TACC1: variants seen among roughly 807,000 people sequenced by gnomAD.
The protein encoded by TACC1 is transforming acidic coiled-coil-containing protein 1.
TACC1 carries 48 observed loss-of-function variants against 84.4 expected under a neutral mutation model. That is an observed-to-expected ratio of 0.57 (90% CI 0.45 to 0.72). The LOEUF is 0.72. TACC1 is among the 30% of genes least tolerant of loss of function. The pLI is 0.00. For synonymous variants in TACC1, 372 were observed against 376.3 expected (o/e 0.99, Z 0.13); for missense variants, 920 against 973.0 (o/e 0.95, Z 0.72).
Position 38,848,009 on chromosome 8 carries a change from G to A in TACC1, c.2404G>A (p.Gly802Arg). The change falls in exon 13 of 13, where the codon GGA (glycine) becomes AGA (arginine). Residue 802 changes from glycine (G) to arginine (R), a missense_variant. Coordinates refer to ENST00000317827, the MANE Select transcript of TACC1 (RefSeq NM_006283.3). The stretch of plus-strand genomic sequence containing the variant: ...CTGTGATGAGCTGATTGCAAAGCTG[G>A]GAAAGACTGACTGAGACACTCCCCC... ...KICDELIAKL[G>R]KTD 6.2e-7 allele frequency: 1 copy of A among 1,613,758 alleles called. No homozygotes were observed. Among genetic ancestry groups the A allele is most frequent in the East Asian group, 2.2e-5 (1 of 44,868 alleles).
chr8:38,830,469 C>T (rs962155547), intron 5 of TACC1, among the ~76,000 whole-genome samples: 1 of 152,094 alleles, frequency 6.6e-6, no homozygotes, highest in Non-Finnish European at 1.5e-5. Context: ...GATGAGGCTT[C>T]GCCATGTTGG....
intron 2 of TACC1, among the ~76,000 whole-genome samples, chr8:38,805,235 C>T (rs899318518): frequency 2.0e-5 from 3 of 152,192 alleles, no homozygotes; most frequent in African/African-American, 7.2e-5. Flanking sequence ...TCTGCATTCC[C>T]ACCTCTTCCC....
chr8:38,774,692 G>C (rs1167891533), intron 3 of TACC1, among the ~76,000 whole-genome samples: 1 of 151,978 alleles, frequency 6.6e-6, no homozygotes, highest in African/African-American at 2.4e-5. Context: ...AAGGGATGGG[G>C]TCTCACTATG....
intron 2 of TACC1, among the ~76,000 whole-genome samples, chr8:38,792,261 A>G (rs1248211832): frequency 3.3e-5 from 5 of 152,174 alleles, no homozygotes; most frequent in Non-Finnish European, 7.4e-5. Context: ...AACATCCTCT[A>G]GGAATGGACT....
chr8:38,768,517 G>T (rs1812722747), intron 3 of TACC1, among the ~76,000 whole-genome samples: 1 of 152,198 alleles, frequency 6.6e-6, no homozygotes, highest in Non-Finnish European at 1.5e-5. Context: ...CTGCACAGCA[G>T]AAGGAACGGG....
At chr8:38,801,908 G>A (rs541329643) in intron 2 of TACC1, among the ~76,000 whole-genome samples, 2 of 152,080 alleles carry the variant, frequency 1.3e-5, no homozygotes, top group South Asian at 4.2e-4. Context: ...AATGTTTTTT[G>A]TTGTTGTTGT....
chr8:38,799,435 C>T (rs1332762417), intron 2 of TACC1, among the ~76,000 whole-genome samples: 1 of 152,214 alleles, frequency 6.6e-6, no homozygotes, highest in African/African-American at 2.4e-5. Context: ...CTGTGGGGCT[C>T]CGAGTCTGGA....
rs924505764 is a variant in TACC1 at position 38,831,019 on chromosome 8, T to C, written c.1661-106T>C. The C allele has an allele frequency of 4.5e-5, 41 of 901,184 alleles. No homozygotes were observed. The African/African-American group carries it at 5.9e-4, about 13-fold the overall frequency. The allele number at this position is 901,184 out of a possible 1,614,324, so 55.8% of individuals were successfully genotyped here. On this transcript the variant is annotated intron_variant, in intron 5 of 12. Transcript: ENST00000317827. ...ATAAAATCTTAAAATGCTTTTCATG[T>C]GTTCATAAGTCATTCTCGCCTGCAC...
At chr8:38,844,060 A>G (rs1588155109) in intron 11 of TACC1, among the ~76,000 whole-genome samples, 1 of 152,354 alleles carries the variant, frequency 6.6e-6, no homozygotes, top group East Asian at 1.9e-4. Context: ...TTTTTCTACA[A>G]CTGTGCCAAT....
chr8:38,738,607 T>C (rs913702275), intron 1 of TACC1, among the ~76,000 whole-genome samples: 4 of 152,202 alleles, frequency 2.6e-5, no homozygotes, highest in South Asian at 4.2e-4. Context: ...TTGGCTTCTG[T>C]GTCCCTTTGC....
In TACC1 at chr8:38,804,393, G is replaced by A. The variant is rs556261635; in HGVS notation, c.278-15129G>A. Among the ~76,000 whole-genome samples, 31 of 152,082 alleles carry A rather than the reference G, an allele frequency of 2.0e-4. No homozygotes were observed. The South Asian group carries it at 3.5e-3, about 17-fold the overall frequency. On this transcript the variant is annotated intron_variant, in intron 2 of 12. Coordinates refer to ENST00000317827, the MANE Select transcript of TACC1 (RefSeq NM_006283.3). ...GGCTCACTGCAACCCTCCGCCTCCC[G>A]GGTTCAAGCAATTATCCTGCCTCAG...
At chr8:38,754,241 C>T (rs777700315) in intron 3 of TACC1, among the ~76,000 whole-genome samples, 5 of 152,166 alleles carry the variant, frequency 3.3e-5, no homozygotes, top group Non-Finnish European at 5.9e-5. Flanking sequence ...TGTGAGCCAC[C>T]GCGCCCGGCC....
At chr8:38,776,102 A>G (rs1486740938) in intron 3 of TACC1, among the ~76,000 whole-genome samples, 5 of 152,216 alleles carry the variant, frequency 3.3e-5, no homozygotes, top group Non-Finnish European at 7.3e-5. Flanking sequence ...TTGGAGTTAT[A>G]CAATCATATT....
chr8:38,791,178 C>T (rs934010788), intron 2 of TACC1, among the ~76,000 whole-genome samples: 6 of 152,140 alleles, frequency 3.9e-5, no homozygotes, highest in African/African-American at 1.4e-4. Context: ...TGAATAGAGG[C>T]CTGGATGACC....
upstream of TACC1, among the ~76,000 whole-genome samples, chr8:38,785,315 A>T (rs1334426916): frequency 1.3e-5 from 2 of 152,120 alleles, no homozygotes; most frequent in African/African-American, 2.4e-5. Flanking sequence ...CTCTGCTGGC[A>T]ATTTGGATTT....
intron 3 of TACC1, among the ~76,000 whole-genome samples, chr8:38,825,013 T>C (rs1971400): frequency 0.36 from 54,460 of 152,012 alleles, 10,081 homozygotes; most frequent in Non-Finnish European, 0.42. Flanking sequence ...TTTGGTGGCG[T>C]GTAATTAAAA....
At chr8:38,826,909 G>T (rs2037205) in intron 4 of TACC1, among the ~76,000 whole-genome samples, 58,198 of 152,026 alleles carry the variant, frequency 0.38, 11,387 homozygotes, top group African/African-American at 0.46. Context: ...TTAAACCACT[G>T]AAACTGCTTG....
intron 1 of TACC1, among the ~76,000 whole-genome samples, chr8:38,739,803 A>G (rs894000857): frequency 2.6e-5 from 4 of 152,172 alleles, no homozygotes; most frequent in Non-Finnish European, 5.9e-5. Flanking sequence ...CACCTAGGGG[A>G]GGAGAAGGAC....
intron 2 of TACC1, among the ~76,000 whole-genome samples, chr8:38,810,619 T>C (rs1011720632): frequency 9.3e-5 from 14 of 151,274 alleles, no homozygotes; most frequent in African/African-American, 3.2e-4. Context: ...AATAAATAAA[T>C]ATTTAAAATT....
Sources: allele counts gnomAD v4.1 joint callset (sites outside exome capture counted in the v4.1 genomes callset), GRCh38; gene constraint gnomAD v4.1.1; transcripts MANE v1.5; gene names NCBI Gene and HGNC (gene_info 2026-07-23, HGNC 2026-07-21).